The following LRRC37A2 variants were observed in gnomAD, a reference collection of about 807,000 sequenced individuals.
LRRC37A2 encodes the protein leucine rich repeat containing 37 member A2, also known as leucine-rich repeat-containing protein 37A2.
Under a neutral mutation model 68.8 loss-of-function variants are expected in LRRC37A2, and 9 were observed. The ratio of observed to expected loss-of-function variants is 0.13; its 90% CI spans 0.08 to 0.23. The LOEUF (loss-of-function observed/expected upper bound fraction) is 0.23, where lower values mean the gene tolerates loss of function less well. LRRC37A2 is among the 10% of genes least tolerant of loss of function. LRRC37A2 has a pLI of 1.00. For missense variants in LRRC37A2, 168 were observed against 950.4 expected, an observed-to-expected ratio of 0.18 and a Z score of 10.82; for synonymous variants, 63 against 367.6, an observed-to-expected ratio of 0.17 and a Z score of 9.48.
the LRRC37A2 span, among the ~76,000 whole-genome samples, chr17:46,775,609 CTTTTTT>C: frequency 9.0e-6 from 1 of 111,634 alleles, no homozygotes. Context: ...GCCAGAAGTT[CTTTTTT>C]TTTTTTTTTT....
At chr17:46,691,758 A>AT in the LRRC37A2 span, among the ~76,000 whole-genome samples, 73 of 151,104 alleles carry the variant, frequency 4.8e-4, 3 homozygotes, top group African/African-American at 1.7e-3. Context: ...AATCCCTAGT[A>AT]TTTTTTGTTT....
chr17:46,737,483 A>T, the LRRC37A2 span, among the ~76,000 whole-genome samples: 1 of 152,032 alleles, frequency 6.6e-6, no homozygotes, highest in East Asian at 1.9e-4. Flanking sequence ...AGCTCATACG[A>T]GGTGCTGGGG....
the LRRC37A2 span, among the ~76,000 whole-genome samples, chr17:46,731,395 A>G: frequency 6.6e-6 from 1 of 152,136 alleles, no homozygotes; most frequent in Non-Finnish European, 1.5e-5. Flanking sequence ...TTGGGGTGAT[A>G]GAAATGCTCT....
the LRRC37A2 span, chr17:46,755,759 G>A: frequency 2.0e-6 from 3 of 1,530,748 alleles, no homozygotes; most frequent in East Asian, 2.3e-5. Context: ...AGTTTTTTAC[G>A]GACCCTCATC....
the LRRC37A2 span, among the ~76,000 whole-genome samples, chr17:46,825,891 C>T: frequency 1.3e-5 from 2 of 152,166 alleles, no homozygotes; most frequent in African/African-American, 2.4e-5. Context: ...GGCATGGTGG[C>T]GCATGCCTGT....
the LRRC37A2 span, among the ~76,000 whole-genome samples, chr17:46,871,566 C>T: frequency 6.6e-6 from 1 of 152,164 alleles, no homozygotes; most frequent in Non-Finnish European, 1.5e-5. Context: ...GGAAGGTAGG[C>T]CTGCTTGTCC....
the LRRC37A2 span, among the ~76,000 whole-genome samples, chr17:46,894,985 C>T: frequency 3.3e-5 from 5 of 152,316 alleles, no homozygotes; most frequent in African/African-American, 9.6e-5. Flanking sequence ...CTCGCCTGTC[C>T]GCTCTGGGGC....
At chr17:46,734,190 A>G in the LRRC37A2 span, among the ~76,000 whole-genome samples, 1 of 152,240 alleles carries the variant, frequency 6.6e-6, no homozygotes, top group Admixed American at 6.5e-5. Flanking sequence ...AAATAAGCAG[A>G]TAATGGAAGA....
chr17:46,891,673 CCACATGACCTGA>C, the LRRC37A2 span, among the ~76,000 whole-genome samples: 1 of 152,192 alleles, frequency 6.6e-6, no homozygotes, highest in East Asian at 1.9e-4. Context: ...GCTTCCCGTT[CCACATGACCTGA>C]CAGCCTTCCA....
the LRRC37A2 span, among the ~76,000 whole-genome samples, chr17:46,491,875 AT>A: frequency 6.8e-6 from 1 of 146,736 alleles, no homozygotes; most frequent in Non-Finnish European, 1.5e-5. Flanking sequence ...TATTCATAGA[AT>A]TATATTAGTA....
chr17:47,024,085 G>A, the LRRC37A2 span, among the ~76,000 whole-genome samples: 1 of 152,156 alleles, frequency 6.6e-6, no homozygotes, highest in Admixed American at 6.5e-5. Flanking sequence ...GGCCAGGTGA[G>A]GTGGCTCATG....
chr17:47,019,879 T>C, the LRRC37A2 span: 1,169 of 810,934 alleles, frequency 1.4e-3, 10 homozygotes, highest in East Asian at 3.0e-3. Context: ...TCCTGGGCCT[T>C]CTTTATCTCC....
At chr17:46,733,031 G>C in the LRRC37A2 span, among the ~76,000 whole-genome samples, 1 of 152,316 alleles carries the variant, frequency 6.6e-6, no homozygotes, top group African/African-American at 2.4e-5. Flanking sequence ...GACCACTGCA[G>C]TTCACCCTCC....
chr17:47,011,816 G>A, the LRRC37A2 span, among the ~76,000 whole-genome samples: 1 of 152,138 alleles, frequency 6.6e-6, no homozygotes, highest in Non-Finnish European at 1.5e-5. Context: ...CACAGGCTAT[G>A]CATCCCTGGA....
At chr17:46,912,164 A>G in the LRRC37A2 span, among the ~76,000 whole-genome samples, 5 of 152,174 alleles carry the variant, frequency 3.3e-5, no homozygotes, top group African/African-American at 1.2e-4. Flanking sequence ...GGATGTGCAC[A>G]CCTACTCCCT....
the LRRC37A2 span, chr17:46,728,819 A>G: frequency 7.0e-7 from 1 of 1,423,108 alleles, no homozygotes; most frequent in Admixed American, 1.9e-5. Context: ...GTACATGTGT[A>G]TCAAATCCCT....
At chr17:46,382,531 TA>T in the LRRC37A2 span, among the ~76,000 whole-genome samples, 1 of 44,398 alleles carries the variant, frequency 2.3e-5, no homozygotes, top group African/African-American at 8.1e-5. Flanking sequence ...TCTGGCTAAT[TA>T]AAAAAAAGTT....
At chr17:46,770,088 C>A in the LRRC37A2 span, 1 of 1,502,160 alleles carries the variant, frequency 6.7e-7, no homozygotes, top group Non-Finnish European at 8.9e-7. Context: ...CAGGACCCGG[C>A]CTGGGAGCGC....
chr17:46,543,369 A>C (rs893555297), intron 8 of LRRC37A2, among the ~76,000 whole-genome samples: 6 of 150,816 alleles, frequency 4.0e-5, no homozygotes, highest in African/African-American at 7.5e-5. Context: ...CTTTAAAACA[A>C]TCCTGGGAAC....
Sources: gnomAD v4.1 joint callset for allele counts (sites outside exome capture counted in the v4.1 genomes callset) on GRCh38, gnomAD v4.1.1 for gene constraint, MANE v1.5 for transcripts, NCBI Gene and HGNC (gene_info 2026-07-23, HGNC 2026-07-21) for gene names.